XPA: variants seen among roughly 807,000 people sequenced by gnomAD.
XPA encodes the protein DNA repair protein complementing XP-A cells.
Under a neutral mutation model 35.7 loss-of-function variants are expected in XPA, and 27 were observed. The ratio of observed to expected loss-of-function variants is 0.76; its 90% CI spans 0.56 to 1.04. The LOEUF (loss-of-function observed/expected upper bound fraction) is 1.04, where lower values mean the gene tolerates loss of function less well. Ranked by LOEUF, XPA falls within the 50% of genes least tolerant of loss-of-function variation. The pLI is 0.00. For synonymous variants in XPA, 133 were observed against 118.4 expected (o/e 1.12, Z -0.80); for missense variants, 354 against 342.7 (o/e 1.03, Z -0.26).
chr9:97,674,143 C>G (rs1019252320), downstream of XPA, among the ~76,000 whole-genome samples: 3 of 151,692 alleles, frequency 2.0e-5, no homozygotes, highest in Admixed American at 6.6e-5. Flanking sequence ...CTTCCCCGCC[C>G]CCATAATGCT....
At chr9:97,694,263 C>T (rs1333924697) in intron 1 of XPA, among the ~76,000 whole-genome samples, 1 of 152,262 alleles carries the variant, frequency 6.6e-6, no homozygotes, top group South Asian at 2.1e-4. Context: ...TGCGTGCGCA[C>T]GTGTGCACCC....
downstream of XPA, chr9:97,674,814 A>G: frequency 2.6e-6 from 1 of 389,204 alleles, no homozygotes; most frequent in South Asian, 2.1e-5. Context: ...TCAACCATGA[A>G]AACAGCTCTT....
At chr9:97,658,248 ACTT>A in the XPA span, among the ~76,000 whole-genome samples, 7 of 152,080 alleles carry the variant, frequency 4.6e-5, no homozygotes, top group Non-Finnish European at 5.9e-5. Context: ...TTATTTCTAC[ACTT>A]CTTCTCTACC....
chr9:97,679,012 C>A (rs1453889366), intron 5 of XPA, among the ~76,000 whole-genome samples: 1 of 152,092 alleles, frequency 6.6e-6, no homozygotes, highest in Non-Finnish European at 1.5e-5. Context: ...AAGCCAATAC[C>A]CAATCCTAGA....
chr9:97,666,016 T>A, the XPA span, among the ~76,000 whole-genome samples: 1 of 152,154 alleles, frequency 6.6e-6, no homozygotes, highest in East Asian at 1.9e-4. Context: ...GTTGGTCTTA[T>A]TGACTCAGGT....
chr9:97,655,918 G>GT, the XPA span: 1 of 1,369,532 alleles, frequency 7.3e-7, no homozygotes, highest in Non-Finnish European at 1.0e-6. Context: ...AACAAAACTT[G>GT]TAAGTTGTTA....
chr9:97,663,435 C>T, the XPA span, among the ~76,000 whole-genome samples: 73 of 152,140 alleles, frequency 4.8e-4, 1 homozygote, highest in South Asian at 0.013. Flanking sequence ...CATTTAACTT[C>T]TGGGGTTCAT....
At chr9:97,674,797 C>T (rs1564035079), downstream of XPA, 3 of 383,270 alleles carry the variant, frequency 7.8e-6, no homozygotes, top group Admixed American at 3.7e-5. Flanking sequence ...GATCAACAAT[C>T]AGATAGTCAA....
chr9:97,674,471 G>A (rs1587734903), downstream of XPA, among the ~76,000 whole-genome samples: 1 of 151,986 alleles, frequency 6.6e-6, no homozygotes, highest in Non-Finnish European at 1.5e-5. Context: ...TTGTACAGTA[G>A]GATAAAATGT....
chr9:97,663,404 T>A, the XPA span, among the ~76,000 whole-genome samples: 1 of 152,240 alleles, frequency 6.6e-6, no homozygotes, highest in African/African-American at 2.4e-5. Context: ...AGTGAGTGTG[T>A]AATGATAAAA....
the XPA span, chr9:97,669,667 T>C: frequency 6.2e-7 from 1 of 1,611,336 alleles, no homozygotes; most frequent in Non-Finnish European, 8.5e-7. Context: ...CACCATGGTA[T>C]AAGAACTGTA....
the XPA span, chr9:97,669,020 T>C: frequency 4.6e-6 from 7 of 1,520,246 alleles, no homozygotes; most frequent in Non-Finnish European, 6.2e-6. Flanking sequence ...ACAATACATT[T>C]CTTTAGTTTT....
intron 1 of XPA, among the ~76,000 whole-genome samples, chr9:97,696,147 G>T (rs889293950): frequency 6.6e-6 from 1 of 152,186 alleles, no homozygotes; most frequent in African/African-American, 2.4e-5. Flanking sequence ...TGAACATCAA[G>T]ACATGCTGCC....
chr9:97,681,312 A>C (rs753849966), intron 5 of XPA, among the ~76,000 whole-genome samples: 22 of 152,160 alleles, frequency 1.4e-4, no homozygotes, highest in Admixed American at 7.9e-4. Context: ...AAAAAATTAC[A>C]AGGAAAAGAC....
chr9:97,661,736 T>TG, the XPA span, among the ~76,000 whole-genome samples: 1 of 140,790 alleles, frequency 7.1e-6, no homozygotes, highest in African/African-American at 3.2e-5. Flanking sequence ...TTAAGTGTTT[T>TG]TTTTTTTTTT....
the XPA span, chr9:97,662,871 A>G: frequency 1.0e-6 from 1 of 995,718 alleles, no homozygotes; most frequent in East Asian, 2.4e-5. Context: ...TTATAAATTG[A>G]GTAACATTGA....
intron 2 of XPA, 45 bp downstream of exon 2, chr9:97,693,604 C>CA (rs1309643297): frequency 6.5e-7 from 1 of 1,541,966 alleles, no homozygotes; most frequent in Admixed American, 1.7e-5. Context: ...GCATGTTACT[C>CA]AAAATAACCA....
chr9:97,679,306 A>G (rs1208092744), intron 5 of XPA, among the ~76,000 whole-genome samples: 2 of 152,254 alleles, frequency 1.3e-5, no homozygotes, highest in Admixed American at 1.3e-4. Flanking sequence ...TGCAAATAGC[A>G]TAAAGTGTTA....
At chr9:97,684,735 C>T (rs747652181) in intron 5 of XPA, among the ~76,000 whole-genome samples, 188 bp downstream of exon 5, 13 of 152,226 alleles carry the variant, frequency 8.5e-5, no homozygotes, top group South Asian at 2.1e-4. Flanking sequence ...TCAGAAATGT[C>T]GTACTGTGAG....
Sources: gnomAD v4.1 joint callset for allele counts (sites outside exome capture counted in the v4.1 genomes callset) on GRCh38, gnomAD v4.1.1 for gene constraint, MANE v1.5 for transcripts, NCBI Gene and HGNC (gene_info 2026-07-23, HGNC 2026-07-21) for gene names.